Variants in STK3 observed in about 807,000 individuals in gnomAD.
STK3 encodes the protein serine/threonine-protein kinase 3.
A neutral mutation model predicts 58.0 loss-of-function variants in STK3; 41 were observed. The observed-to-expected ratio is 0.71, with a 90% CI of 0.55 to 0.92. The LOEUF is 0.92. Ranked by LOEUF, STK3 falls within the 40% of genes least tolerant of loss-of-function variation. STK3 has a pLI of 0.00. For synonymous variants in STK3, 170 were observed against 191.0 expected (o/e 0.89, Z 0.91); for missense variants, 479 against 602.7 (o/e 0.79, Z 2.15).
chr8:98,662,002 T>C (rs1587211204), intron 6 of STK3, among the ~76,000 whole-genome samples: 1 of 152,136 alleles, frequency 6.6e-6, no homozygotes, highest in African/African-American at 2.4e-5. Flanking sequence ...TCCCACAGAC[T>C]GTAAGCTTCT....
At chr8:98,502,104 T>C (rs1445078935) in intron 10 of STK3, among the ~76,000 whole-genome samples, 1 of 152,230 alleles carries the variant, frequency 6.6e-6, no homozygotes, top group Non-Finnish European at 1.5e-5. Flanking sequence ...GTAATTCTCC[T>C]TGAAAAGGTC....
chr8:98,602,407 A>G (rs1446357581), intron 6 of STK3: 1 of 152,274 alleles, frequency 6.6e-6, no homozygotes, highest in Non-Finnish European at 1.5e-5. Context: ...GGTGCCTTCT[A>G]TGAGGAACAA....
At chr8:98,652,316 G>C (rs1281196504) in intron 6 of STK3, among the ~76,000 whole-genome samples, 3 of 152,098 alleles carry the variant, frequency 2.0e-5, no homozygotes, top group Non-Finnish European at 2.9e-5. Context: ...TGCCCTAAAA[G>C]AGCTCCTGAA....
chr8:98,794,851 T>C (rs1833024500), intron 1 of STK3, among the ~76,000 whole-genome samples: 1 of 151,664 alleles, frequency 6.6e-6, no homozygotes, highest in African/African-American at 2.4e-5. Context: ...GTGGGTCACC[T>C]GAGGTTGGGA....
chr8:98,722,786 A>G (rs1827524697), intron 4 of STK3: 1 of 380,606 alleles, frequency 2.6e-6, no homozygotes, highest in African/African-American at 2.2e-5. Flanking sequence ...GGATAGGTCC[A>G]TACCCAACTA....
Position 98,427,728 on chromosome 8 carries a change from G to C in STK3, n.483+6399C>G, listed in dbSNP as rs547946224. 2,173 of 353,910 alleles carry C rather than the reference G, an allele frequency of 6.1e-3. 9 individuals carry two copies. Among genetic ancestry groups the C allele is most frequent in the Non-Finnish European group, 8.7e-3 (1,714 of 195,946 alleles). The allele number at this position is 353,910 out of a possible 1,614,324, so 21.9% of individuals were successfully genotyped here. ...ACCCCGCACGCGCAAAGCGCCCACCGAGACCCCTGGGGTGGAGCTGTGCTA... is the reference window on the plus strand; with the variant it reads ...ACCCCGCACGCGCAAAGCGCCCACCCAGACCCCTGGGGTGGAGCTGTGCTA... On this transcript the variant is annotated intron_variant and non_coding_transcript_variant, in intron 3 of 3. Coordinates refer to the STK3 transcript ENST00000517832.
At chr8:98,924,650 C>G (rs919644382) in intron 1 of STK3, among the ~76,000 whole-genome samples, 1 of 152,168 alleles carries the variant, frequency 6.6e-6, no homozygotes, top group African/African-American at 2.4e-5. Flanking sequence ...TTGAGAATGA[C>G]AATCTTAAGT....
At chr8:98,453,974 A>T (rs1449386184), downstream of STK3, among the ~76,000 whole-genome samples, 2 of 152,146 alleles carry the variant, frequency 1.3e-5, no homozygotes, top group African/African-American at 4.8e-5. Flanking sequence ...TATATTGTAA[A>T]TTCAGTTCTT....
chr8:98,764,231 T>C (rs1830806047), intron 3 of STK3, among the ~76,000 whole-genome samples: 1 of 152,236 alleles, frequency 6.6e-6, no homozygotes, highest in South Asian at 2.1e-4. Context: ...TCCTTCTCAT[T>C]GTATTCTTTA....
chr8:98,730,884 G>A (rs1009045778), intron 4 of STK3, among the ~76,000 whole-genome samples: 1 of 152,062 alleles, frequency 6.6e-6, no homozygotes, highest in Non-Finnish European at 1.5e-5. Context: ...CTTTAACCCA[G>A]GGACTAACGC....
At chr8:98,923,854 T>TGTGTGCGCGC (rs1491486943) in intron 1 of STK3, among the ~76,000 whole-genome samples, 7 of 113,694 alleles carry the variant, frequency 6.2e-5, no homozygotes, top group South Asian at 3.0e-4. Flanking sequence ...TGTGTGTGTG[T>TGTGTGCGCGC]GCGCGCGCGC....
At chr8:98,591,666 A>G (rs1815326867) in intron 7 of STK3, among the ~76,000 whole-genome samples, 1 of 152,100 alleles carries the variant, frequency 6.6e-6, no homozygotes, top group Non-Finnish European at 1.5e-5. Flanking sequence ...AATTGGACAT[A>G]CCGAGATTTT....
intron 1 of STK3, among the ~76,000 whole-genome samples, chr8:98,885,033 C>A (rs1837930887): frequency 6.6e-6 from 1 of 152,210 alleles, no homozygotes; most frequent in Non-Finnish European, 1.5e-5. Context: ...AAATAAATCT[C>A]AAACAAATGA....
chr8:98,819,430 C>T (rs1325713478), intron 1 of STK3, among the ~76,000 whole-genome samples: 2 of 152,092 alleles, frequency 1.3e-5, no homozygotes, highest in East Asian at 3.9e-4. Context: ...TGTCGCACTC[C>T]CTCTCTCCAA....
chr8:98,923,608 C>T (rs999928565), intron 1 of STK3, among the ~76,000 whole-genome samples: 3 of 152,092 alleles, frequency 2.0e-5, no homozygotes, highest in African/African-American at 4.8e-5. Flanking sequence ...AAGCACAGAA[C>T]GACGGAGTCT....
intron 8 of STK3, among the ~76,000 whole-genome samples, chr8:98,575,933 T>C (rs1813360105): frequency 1.3e-5 from 2 of 152,256 alleles, no homozygotes; most frequent in African/African-American, 4.8e-5. Context: ...ATTTCTGCTT[T>C]AGTATCATTC....
chr8:98,456,273 T>C (rs1586602485), intron 10 of STK3, among the ~76,000 whole-genome samples: 1 of 152,320 alleles, frequency 6.6e-6, no homozygotes, highest in Middle Eastern at 3.4e-3. Context: ...AATACGCTGA[T>C]GGAATTTGTA....
intron 6 of STK3, among the ~76,000 whole-genome samples, chr8:98,602,982 A>G (rs1250128133): frequency 1.3e-5 from 2 of 152,014 alleles, no homozygotes; most frequent in Non-Finnish European, 2.9e-5. Flanking sequence ...GGCTTCTAAA[A>G]TGCCAATCCC....
intron 10 of STK3, among the ~76,000 whole-genome samples, chr8:98,522,834 A>G (rs1286467975): frequency 1.3e-5 from 2 of 152,222 alleles, no homozygotes; most frequent in Non-Finnish European, 2.9e-5. Flanking sequence ...TTCACTTAGC[A>G]TAATGTCTTC....
Sources: gnomAD v4.1 joint callset for allele counts (sites outside exome capture counted in the v4.1 genomes callset) on GRCh38, gnomAD v4.1.1 for gene constraint, MANE v1.5 for transcripts, NCBI Gene and HGNC (gene_info 2026-07-23, HGNC 2026-07-21) for gene names.